Variants in AGAP1 observed in about 807,000 individuals in gnomAD.
AGAP1 encodes the protein arf-GAP with GTPase, ANK repeat and PH domain-containing protein 1.
In AGAP1, 29 loss-of-function variants were observed where a neutral mutation model predicts 105.3. The ratio of observed to expected loss-of-function variants is 0.28; its 90% CI spans 0.21 to 0.38. The LOEUF is 0.38. AGAP1 is among the 10% of genes least tolerant of loss of function. The pLI is 1.00. For missense variants in AGAP1, 998 were observed against 1,165.1 expected (o/e 0.86, Z 2.09); for synonymous variants, 509 against 485.9 (o/e 1.05, Z -0.63).
chr2:235,900,922 A>C lies in AGAP1; in HGVS notation c.1156-7816A>C, dbSNP rs770241604. On this transcript the variant is annotated intron_variant, in intron 10 of 17. Coordinates refer to ENST00000304032, the MANE Select transcript of AGAP1 (RefSeq NM_001037131.3). This position sits in a 1 kb window ranked among gnomAD's most constrained non-coding sequence, Gnocchi z 5.5. ...TGCTTTTGGCTGTCTTGGGAAACAA[A>C]GTTATTTCTCATGGGATTTTTCCCT... is the stretch of plus-strand genomic sequence containing the variant. 1.6e-4 allele frequency among the ~76,000 whole-genome samples: 25 copies of C among 152,184 alleles called. No homozygotes were observed. Among genetic ancestry groups the C allele is most frequent in the Non-Finnish European group, 2.9e-4 (20 of 68,040 alleles).
intron 9 of AGAP1, among the ~76,000 whole-genome samples, chr2:235,847,289 T>C (rs1961610480): frequency 6.6e-6 from 1 of 151,580 alleles, no homozygotes; most frequent in Non-Finnish European, 1.5e-5. Context: ...GGCCATCTTT[T>C]TCATGTATGG....
intron 16 of AGAP1, among the ~76,000 whole-genome samples, chr2:236,102,373 A>G (rs182358809): frequency 4.7e-4 from 69 of 146,950 alleles, no homozygotes; most frequent in Admixed American, 1.5e-3. Flanking sequence ...AGGCGAGATC[A>G]TGCCACTGCA....
chr2:235,627,561 A>T (rs1946684064), intron 1 of AGAP1, among the ~76,000 whole-genome samples: 1 of 152,056 alleles, frequency 6.6e-6, no homozygotes, highest in African/African-American at 2.4e-5. Flanking sequence ...CTGATCCCCC[A>T]GCCTCAGCGT....
In AGAP1 at chr2:235,971,308, C is replaced by T. The variant is rs1355918623; in HGVS notation, c.1645+2685C>T. On this transcript the variant is annotated intron_variant, in intron 13 of 17. Transcript: ENST00000304032. This position sits in a 1 kb window ranked among gnomAD's most constrained non-coding sequence, Gnocchi z 4.8. Reference sequence around the variant, plus strand: ...CCCCAAATTGTAACATATCTGAAGTCAGAACATATCATTGTAGATTCAGTG... The same window carrying T: ...CCCCAAATTGTAACATATCTGAAGTTAGAACATATCATTGTAGATTCAGTG... Among the ~76,000 whole-genome samples the T allele has an allele frequency of 6.6e-6, 1 of 152,152 alleles. No homozygotes were observed. Among genetic ancestry groups the T allele is most frequent in the Non-Finnish European group, 1.5e-5 (1 of 68,038 alleles).
At position 236,131,165 on chromosome 2, in the gene AGAP1, GCAGCCCCTCT is replaced by G. The variant is rs2060077412; in HGVS notation, c.*7051_*7060del. On this transcript the variant is annotated 3_prime_UTR_variant, in exon 18 of 18. Transcript: ENST00000304032. The surrounding 1 kb of genome is among the most constrained non-coding windows in gnomAD (Gnocchi z 5.9). ...TGAAATACATCTAATTCTCCAGACT[GCAGCCCCTCT>G]CAGCCCCGAGCACCTGAGCGCTGGG... 1 of 152,228 alleles carries G rather than the reference GCAGCCCCTCT, an allele frequency of 6.6e-6. No homozygotes were observed. The highest frequency in any genetic ancestry group is 6.5e-5 in the Admixed American group (1 of 15,290). 9.4% of individuals were successfully genotyped at this position (152,228 alleles called of 1,614,324 possible).
chr2:235,503,361 C>T (rs1457333571), intron 1 of AGAP1, among the ~76,000 whole-genome samples: 1 of 152,148 alleles, frequency 6.6e-6, no homozygotes, highest in Non-Finnish European at 1.5e-5. Context: ...CTGCTGTGAG[C>T]CGGGATCGCG....
At position 235,705,810 on chromosome 2, in the gene AGAP1, G is replaced by C. The variant is rs906882116; in HGVS notation, c.164-3369G>C. Reference sequence around the variant, plus strand: ...GTGAGGATGTATTTGCAAGTAAAAAGATGCTTCACATTGTTCCAATGTTTA... The same window carrying C: ...GTGAGGATGTATTTGCAAGTAAAAACATGCTTCACATTGTTCCAATGTTTA... On this transcript the variant is annotated intron_variant, in intron 1 of 17. Coordinates refer to ENST00000304032, the MANE Select transcript of AGAP1 (RefSeq NM_001037131.3). The surrounding 1 kb of genome is among the most constrained non-coding windows in gnomAD (Gnocchi z 4.9). Among the ~76,000 whole-genome samples, 5 of 152,170 alleles carry C rather than the reference G, an allele frequency of 3.3e-5. No individual in the cohort carries two copies. In the South Asian group the frequency reaches 1.0e-3, roughly 32 times the overall value.
rs144345823 is a variant in AGAP1 at position 235,494,842 on chromosome 2, C to T, written c.156C>T (p.Ala52=). The change falls in exon 1 of 18, where the codon GCC becomes GCT. Residue 52 remains alanine (A), a synonymous_variant. Coordinates refer to ENST00000304032, the MANE Select transcript of AGAP1 (RefSeq NM_001037131.3). ...LQNQIREHVI[A]IEDAFVNSQE... is the part of the protein sequence containing the mutation. The stretch of plus-strand genomic sequence containing the variant: ...ACCAGATCCGGGAGCACGTCATCGC[C>T]ATCGAAGGTGAGGGCCGGGCCGCCT... 661 of 1,569,838 alleles carry T rather than the reference C, an allele frequency of 4.2e-4. 1 individual carries two copies. The highest frequency in any genetic ancestry group is 5.6e-4 in the Non-Finnish European group (645 of 1,158,068).
Position 235,901,295 on chromosome 2 carries a change from A to G in AGAP1, c.1156-7443A>G, listed in dbSNP as rs1022272269. The stretch of plus-strand genomic sequence containing the variant: ...TCTCTTACATACTTTTTTTTTTTTG[A>G]GCCCAGAAGTGAGGCTTTTTAAAAA... On this transcript the variant is annotated intron_variant, in intron 10 of 17. Coordinates refer to ENST00000304032, the MANE Select transcript of AGAP1 (RefSeq NM_001037131.3). The surrounding 1 kb of genome is among the most constrained non-coding windows in gnomAD (Gnocchi z 4.3). Among the ~76,000 whole-genome samples the G allele has an allele frequency of 6.7e-6, 1 of 150,288 alleles. No homozygotes were observed. The highest frequency in any genetic ancestry group is 2.4e-5 in the African/African-American group (1 of 40,824).
chr2:235,812,652 G>A (rs1958215586), intron 9 of AGAP1, among the ~76,000 whole-genome samples: 1 of 152,226 alleles, frequency 6.6e-6, no homozygotes, highest in Non-Finnish European at 1.5e-5. Context: ...TGAAGACCAC[G>A]CTGAAACTTG....
chr2:235,704,969 CTTTTTTTTTTT>C (rs969370505), intron 1 of AGAP1, among the ~76,000 whole-genome samples: 2 of 59,732 alleles, frequency 3.3e-5, no homozygotes, highest in South Asian at 6.0e-4. Flanking sequence ...ATGCTTTTTT[CTTTTTTTTTTT>C]TTTTTTTTTT....
At chr2:235,772,612 C>G (rs1955546418) in intron 6 of AGAP1, among the ~76,000 whole-genome samples, 1 of 152,198 alleles carries the variant, frequency 6.6e-6, no homozygotes, top group South Asian at 2.1e-4. Context: ...AATGGATCTG[C>G]CTTTTCTTGA....
intron 1 of AGAP1, among the ~76,000 whole-genome samples, chr2:235,682,471 T>C (rs1254368253): frequency 1.3e-5 from 2 of 151,838 alleles, no homozygotes; most frequent in Admixed American, 6.6e-5. Context: ...GCCTCTCGAG[T>C]AGCTGGGATT....
At chr2:235,997,079 T>C (rs1209055734) in intron 13 of AGAP1, among the ~76,000 whole-genome samples, 1 of 152,220 alleles carries the variant, frequency 6.6e-6, no homozygotes, top group Non-Finnish European at 1.5e-5. Context: ...GCATATTGCC[T>C]TTAATGAAGA....
At chr2:235,803,024 GAT>G (rs1957631120) in intron 8 of AGAP1, among the ~76,000 whole-genome samples, 3 of 150,984 alleles carry the variant, frequency 2.0e-5, no homozygotes, top group African/African-American at 4.9e-5. Flanking sequence ...TGATGGTGGT[GAT>G]GGTTGTGATG....
At chr2:235,525,132 C>T (rs755363352) in intron 1 of AGAP1, among the ~76,000 whole-genome samples, 1 of 152,300 alleles carries the variant, frequency 6.6e-6, no homozygotes, top group Non-Finnish European at 1.5e-5. Context: ...GGGGCAGTAA[C>T]TGTTTAATGT....
intron 12 of AGAP1, among the ~76,000 whole-genome samples, chr2:235,949,045 C>T (rs2053618289): frequency 6.6e-6 from 1 of 152,170 alleles, no homozygotes; most frequent in African/African-American, 2.4e-5. Flanking sequence ...TTTCACCTGC[C>T]TAGATGGGGA....
chr2:235,585,007 G>A (rs1190941471), intron 1 of AGAP1, among the ~76,000 whole-genome samples: 3 of 147,084 alleles, frequency 2.0e-5, no homozygotes, highest in African/African-American at 2.5e-5. Context: ...TGCTGCCCCC[G>A]GCTTCTTGAA....
In AGAP1 at chr2:235,740,154, C is replaced by T. The variant is rs904497181; in HGVS notation, c.311-809C>T. On this transcript the variant is annotated intron_variant, in intron 3 of 17. Coordinates refer to ENST00000304032, the MANE Select transcript of AGAP1 (RefSeq NM_001037131.3). This position sits in a 1 kb window ranked among gnomAD's most constrained non-coding sequence, Gnocchi z 5.7. ...GCCAGGGTGGAATCCTTCCCGCTGC[C>T]CAGCAGGAGCAGGGCTGGCCTAGCG... 2.0e-5 allele frequency among the ~76,000 whole-genome samples: 3 copies of T among 152,124 alleles called. No homozygotes were observed. Among genetic ancestry groups the T allele is most frequent in the Admixed American group, 6.5e-5 (1 of 15,276 alleles).
Sources: gnomAD v4.1 joint callset for allele counts (sites outside exome capture counted in the v4.1 genomes callset) on GRCh38, gnomAD v4.1.1 for gene constraint, Gnocchi (gnomAD v3.1) non-coding constraint, MANE v1.5 for transcripts, NCBI Gene and HGNC (gene_info 2026-07-23, HGNC 2026-07-21) for gene names.